Variants in GNG7 observed in about 807,000 individuals in gnomAD.
GNG7 encodes guanine nucleotide-binding protein G(I)/G(S)/G(O) subunit gamma-7.
In GNG7, 1 loss-of-function variant was observed where a neutral mutation model predicts 4.0. The observed-to-expected ratio is 0.25, with a 90% CI of 0.09 to 1.18. GNG7 has a LOEUF of 1.18. GNG7 is among the 50% of genes most tolerant of loss of function. The probability of loss-of-function intolerance (pLI) is 0.50; values close to 1 mark genes in which losing one functional copy is unlikely to be tolerated. For synonymous variants in GNG7, 34 were observed against 36.9 expected (o/e 0.92, Z 0.29); for missense variants, 86 against 91.9 (o/e 0.94, Z 0.26).
At chr19:2,586,515 CTGAA>C (rs1980677732) in intron 2 of GNG7, among the ~76,000 whole-genome samples, 1 of 152,094 alleles carries the variant, frequency 6.6e-6, no homozygotes, top group Admixed American at 6.6e-5. Context: ...TCAGCTGAGG[CTGAA>C]AGGGAAGGAT....
At chr19:2,569,489 A>T (rs932057914) in intron 2 of GNG7, among the ~76,000 whole-genome samples, 5 of 152,066 alleles carry the variant, frequency 3.3e-5, no homozygotes, top group African/African-American at 1.2e-4. Context: ...GTTAGCCAGG[A>T]TGGTCTCGAT....
chr19:2,641,363 G>A (rs544666922), intron 2 of GNG7, among the ~76,000 whole-genome samples: 89 of 152,306 alleles, frequency 5.8e-4, no homozygotes, highest in African/African-American at 2.0e-3. Context: ...ACCGCAGATG[G>A]GATGAAGTTA....
At chr19:2,548,495 A>AC (rs1979203365) in intron 3 of GNG7, among the ~76,000 whole-genome samples, 1 of 148,140 alleles carries the variant, frequency 6.8e-6, no homozygotes, top group African/African-American at 2.5e-5. Flanking sequence ...AAAAAAAAAA[A>AC]AAAAAAAACC....
At chr19:2,568,494 A>C (rs1415015873) in intron 2 of GNG7, among the ~76,000 whole-genome samples, 1 of 151,818 alleles carries the variant, frequency 6.6e-6, no homozygotes, top group African/African-American at 2.4e-5. Context: ...ACTTACGCAC[A>C]TACACAGGGT....
At chr19:2,530,954 A>G (rs994466261) in intron 3 of GNG7, among the ~76,000 whole-genome samples, 4 of 152,058 alleles carry the variant, frequency 2.6e-5, no homozygotes, top group Non-Finnish European at 4.4e-5. Flanking sequence ...CTGAGGAGAG[A>G]AGGCTTGGTA....
In GNG7 at chr19:2,553,897, T is replaced by C. The variant is rs1379828688; in HGVS notation, c.-38+1252A>G. On this transcript the variant is annotated intron_variant, in intron 3 of 4. Coordinates refer to ENST00000382159, the MANE Select transcript of GNG7 (RefSeq NM_052847.3). ...GCATACATGTACATATTCTATGTAATATTACATACATGTGCATATTGCATG... is the reference window on the plus strand; with the variant it reads ...GCATACATGTACATATTCTATGTAACATTACATACATGTGCATATTGCATG... 2.8e-5 allele frequency among the ~76,000 whole-genome samples: 4 copies of C among 144,182 alleles called. No homozygotes were observed. In the East Asian group the frequency reaches 5.8e-4, roughly 21 times the overall value. 94.6% of individuals were successfully genotyped at this position (144,182 alleles called of 152,430 possible). A position where few individuals can be genotyped will look rare whatever the true frequency, so the allele number is the denominator to read the frequency against.
rs540532844 is a variant in GNG7, at chr19:2,520,013, C to T, written c.81+595G>A. Among the ~76,000 whole-genome samples, 8 of 152,312 alleles carry T rather than the reference C, an allele frequency of 5.3e-5. No individual in the cohort carries two copies. The South Asian group carries it at 1.7e-3, about 32-fold the overall frequency. ...TGGGCAACATGGCGAAACGCCGTCT[C>T]TACTAAAAATACAAAAAATTAGCCA... On this transcript the variant is annotated intron_variant, in intron 4 of 4. Coordinates refer to ENST00000382159, the MANE Select transcript of GNG7 (RefSeq NM_052847.3).
In GNG7 at chr19:2,689,640, A is replaced by G. The variant is rs1191622698; in HGVS notation, c.-135+13006T>C. ...TCCAACTCAAAAAAAAAAAAAAAAAAAAAAAAAAACCATATTCGATGCAAT... is the reference window on the plus strand; with the variant it reads ...TCCAACTCAAAAAAAAAAAAAAAAAGAAAAAAAAACCATATTCGATGCAAT... On this transcript the variant is annotated intron_variant, in intron 1 of 4. Coordinates refer to ENST00000382159, the MANE Select transcript of GNG7 (RefSeq NM_052847.3). Among the ~76,000 whole-genome samples the G allele has an allele frequency of 2.6e-5, 4 of 151,430 alleles. No individual in the cohort carries two copies. In the East Asian group the frequency reaches 7.7e-4, roughly 29 times the overall value.
chr19:2,577,277 T>C (rs1415851424), intron 2 of GNG7, among the ~76,000 whole-genome samples: 1 of 152,140 alleles, frequency 6.6e-6, no homozygotes, highest in East Asian at 1.9e-4. Context: ...TGGGTGTTGG[T>C]TGGGGCTGCG....
intron 2 of GNG7, among the ~76,000 whole-genome samples, chr19:2,579,879 G>A (rs919479401): frequency 1.2e-4 from 19 of 152,162 alleles, no homozygotes; most frequent in African/African-American, 4.3e-4. Flanking sequence ...AGTTCTGGAG[G>A]CCAGAAGTCC....
chr19:2,634,904 C>T lies in GNG7; in HGVS notation c.-78+11320G>A, dbSNP rs562795824. 5.9e-5 allele frequency among the ~76,000 whole-genome samples: 9 copies of T among 152,066 alleles called. No homozygotes were observed. The East Asian group carries it at 9.7e-4, about 16-fold the overall frequency. ...AATGTTACCAAAAAAAAAAAACCCT[C>T]GCCGGGAGAACAAGGAGCTACCAGA... On this transcript the variant is annotated intron_variant, in intron 2 of 4. Coordinates refer to ENST00000382159, the MANE Select transcript of GNG7 (RefSeq NM_052847.3). This position sits in a 1 kb window ranked among gnomAD's most constrained non-coding sequence, Gnocchi z 5.3.
intron 2 of GNG7, among the ~76,000 whole-genome samples, chr19:2,580,396 T>C (rs1230035621): frequency 6.6e-6 from 1 of 151,484 alleles, no homozygotes; most frequent in South Asian, 2.1e-4. Flanking sequence ...TTTCAAGAGA[T>C]TCTCCTGCCT....
chr19:2,619,713 C>G (rs1981815432), intron 2 of GNG7, among the ~76,000 whole-genome samples: 1 of 152,200 alleles, frequency 6.6e-6, no homozygotes, highest in East Asian at 1.9e-4. Context: ...ATGTCCAGGA[C>G]AGGCCCATCC....
chr19:2,628,925 C>A (rs1599429961), intron 2 of GNG7, among the ~76,000 whole-genome samples: 1 of 152,172 alleles, frequency 6.6e-6, no homozygotes, highest in Non-Finnish European at 1.5e-5. Context: ...CCATCGTATT[C>A]GCAGGTCCAG....
intron 3 of GNG7, among the ~76,000 whole-genome samples, chr19:2,550,605 C>T (rs991937607): frequency 6.6e-6 from 1 of 152,170 alleles, no homozygotes; most frequent in Non-Finnish European, 1.5e-5. Flanking sequence ...CTGCTGGGCT[C>T]TGAGGGGCTT....
chr19:2,610,755 G>C (rs1981535467), intron 2 of GNG7: 2 of 152,056 alleles, frequency 1.3e-5, no homozygotes, highest in South Asian at 4.2e-4. Context: ...TGCTGGGATT[G>C]CAGGCACAAG....
chr19:2,697,865 G>A (rs774601253), intron 1 of GNG7, among the ~76,000 whole-genome samples: 10 of 152,052 alleles, frequency 6.6e-5, no homozygotes, highest in African/African-American at 1.7e-4. Context: ...GAAGCTACTC[G>A]GGAGGCTGGG....
chr19:2,532,229 G>A (rs1978619767), intron 3 of GNG7, among the ~76,000 whole-genome samples: 1 of 151,652 alleles, frequency 6.6e-6, no homozygotes, highest in Admixed American at 6.6e-5. Context: ...GGAATTGACA[G>A]AGACTTTAAA....
chr19:2,568,928 C>T (rs150957577), intron 2 of GNG7, among the ~76,000 whole-genome samples: 1 of 152,066 alleles, frequency 6.6e-6, no homozygotes, highest in Non-Finnish European at 1.5e-5. Context: ...CATACATATA[C>T]AAATATACAA....
Sources: gnomAD v4.1 joint callset for allele counts (sites outside exome capture counted in the v4.1 genomes callset) on GRCh38, gnomAD v4.1.1 for gene constraint, Gnocchi (gnomAD v3.1) non-coding constraint, MANE v1.5 for transcripts, NCBI Gene and HGNC (gene_info 2026-07-23, HGNC 2026-07-21) for gene names.